NBPF8: variants seen among roughly 807,000 people sequenced by gnomAD.
NBPF8 encodes the protein NBPF member 8, also known as NBPF family member NBPF8.
chr1:120,421,411 C>T (rs1223967326), intron 1 of NBPF8, among the ~76,000 whole-genome samples: 8 of 150,906 alleles, frequency 5.3e-5, no homozygotes, highest in Non-Finnish European at 1.0e-4. Flanking sequence ...CTTTTTCTCT[C>T]TCTCTTTATT....
chr1:120,423,383 C>G lies in NBPF8; in HGVS notation n.270-2364C>G, dbSNP rs1350580940. 1.9e-5 allele frequency among the ~76,000 whole-genome samples: 2 copies of G among 107,786 alleles called. 1 individual carries two copies. Among genetic ancestry groups the G allele is most frequent in the Non-Finnish European group, 3.8e-5 (2 of 53,182 alleles). 70.7% of individuals were successfully genotyped at this position (107,786 alleles called of 152,430 possible). A position where few individuals can be genotyped will look rare whatever the true frequency, so the allele number is the denominator to read the frequency against. ...CCACTAGTTGGAAAGGCTATCTTTG[C>G]TGCTTTAAATTGTCTCTAAACCTCC... is the stretch of plus-strand genomic sequence containing the variant. On this transcript the variant is annotated intron_variant and non_coding_transcript_variant, in intron 1 of 28. Coordinates refer to the NBPF8 transcript ENST00000652355.
intron 1 of NBPF8, among the ~76,000 whole-genome samples, chr1:120,421,069 G>A (rs1222564910): frequency 6.7e-6 from 1 of 150,104 alleles, no homozygotes; most frequent in Non-Finnish European, 1.5e-5. Flanking sequence ...AGGAGCAGCA[G>A]GGAAGGTTGC....
intron 20 of NBPF8, among the ~76,000 whole-genome samples, 194 bp from the exon 19 acceptor site, chr1:120,462,600 C>T (rs1471563344): frequency 4.1e-5 from 4 of 98,038 alleles, no homozygotes; most frequent in Non-Finnish European, 6.3e-5. Flanking sequence ...CTCTCCCTCT[C>T]CCTGTCTTTC....
At chr1:120,430,992 G>A (rs1333256495) in intron 3 of NBPF8, among the ~76,000 whole-genome samples, 2 of 151,142 alleles carry the variant, frequency 1.3e-5, no homozygotes, top group Admixed American at 6.6e-5. Context: ...TTTACAAGAT[G>A]ATTCTACCAT....
At chr1:120,436,339 G>T, upstream of NBPF8, 1 of 1,534,624 alleles carries the variant, frequency 6.5e-7, no homozygotes, top group Non-Finnish European at 8.7e-7. Flanking sequence ...TGTTTTTGTG[G>T]TGAAGGATCC....
chr1:120,453,629 T>C (rs1381562765), intron 14 of NBPF8, among the ~76,000 whole-genome samples, 185 bp downstream of exon 12: 1 of 151,696 alleles, frequency 6.6e-6, no homozygotes. Flanking sequence ...GTGCCGAGTG[T>C]CATGTCTGTA....
chr1:120,416,605 C>CAA (rs1160932917), upstream of NBPF8, among the ~76,000 whole-genome samples: 2 of 24,234 alleles, frequency 8.3e-5, no homozygotes, highest in South Asian at 9.1e-4. Flanking sequence ...ACCCTGTCTC[C>CAA]AAAAAAAAAA....
chr1:120,455,857 T>A (rs1422708844), intron 16 of NBPF8, among the ~76,000 whole-genome samples: 1 of 152,164 alleles, frequency 6.6e-6, no homozygotes, highest in Non-Finnish European at 1.5e-5. Context: ...TTAATTGTGA[T>A]GTTAGGGTGT....
At chr1:120,453,990 C>A (rs1165690383) in exon 15 of NBPF8, 12 of 1,611,222 alleles carry the variant, frequency 7.4e-6, no homozygotes, top group Non-Finnish European at 1.0e-5. Flanking sequence ...ATAGCCATGG[C>A]CCTTATGACT....
chr1:120,435,739 G>A (rs1374609950), upstream of NBPF8, among the ~76,000 whole-genome samples: 130 of 151,576 alleles, frequency 8.6e-4, no homozygotes, highest in Non-Finnish European at 1.6e-3. Context: ...GGTGGCGGGC[G>A]CCTGTATTCC....
exon 13 of NBPF8, chr1:120,452,223 G>A (rs1661298274): frequency 7.8e-7 from 1 of 1,274,902 alleles, no homozygotes; most frequent in African/African-American, 1.7e-5. Context: ...GCATCTCCAG[G>A]CCCTCCTCAC....
chr1:120,415,980 T>G (rs1219799542), upstream of NBPF8, among the ~76,000 whole-genome samples: 1 of 152,212 alleles, frequency 6.6e-6, no homozygotes, highest in African/African-American at 2.4e-5. Flanking sequence ...CTCCTATCTT[T>G]TGCTGCTAGA....
At chr1:120,429,140 AC>A (rs1188522643) in intron 3 of NBPF8, among the ~76,000 whole-genome samples, 1 of 152,236 alleles carries the variant, frequency 6.6e-6, no homozygotes, top group Non-Finnish European at 1.5e-5. Context: ...CAGTGGGGGC[AC>A]CCGATGGAGC....
At chr1:120,420,280 T>C (rs1313142331) in intron 1 of NBPF8, among the ~76,000 whole-genome samples, 162 bp downstream of exon 2, 1 of 151,922 alleles carries the variant, frequency 6.6e-6, no homozygotes, top group Non-Finnish European at 1.5e-5. Flanking sequence ...TGAACAAATA[T>C]TCACAGCGTG....
At chr1:120,432,473 G>T (rs1303112628), upstream of NBPF8, 3 of 146,652 alleles carry the variant, frequency 2.0e-5, no homozygotes, top group South Asian at 4.4e-4. Flanking sequence ...GGCCTGCCAC[G>T]TATGGATGCT....
chr1:120,415,087 G>GAGACGGCGGCGGTTC (rs1660391402), upstream of NBPF8, among the ~76,000 whole-genome samples: 1 of 152,126 alleles, frequency 6.6e-6, no homozygotes, highest in Admixed American at 6.5e-5. Context: ...GGCGGCGGTT[G>GAGACGGCGGCGGTTC]AGACAGCGGC....
Position 120,461,398 on chromosome 1 carries a change from G to T in NBPF8, n.2981G>T. ...GTGCGTTTTACATATTGGAGCAACA[G>T]CGTGTTGGCTTGGCTGTTGACATGG... On this transcript the variant is annotated non_coding_transcript_exon_variant, in exon 19 of 25. Transcript: ENST00000583271. The T allele has an allele frequency of 3.0e-6, 3 of 1,010,056 alleles. 1 individual carries two copies. The South Asian group carries it at 4.0e-5, about 13-fold the overall frequency. 62.6% of individuals were successfully genotyped at this position (1,010,056 alleles called of 1,614,324 possible).
chr1:120,464,527 G>A lies in NBPF8; in HGVS notation n.3438G>A, dbSNP rs1208888223. 91 of 930,764 alleles carry A rather than the reference G, an allele frequency of 9.8e-5. 1 individual carries two copies. The highest frequency in any genetic ancestry group is 4.4e-5 in the Non-Finnish European group (25 of 562,022). The allele number at this position is 930,764 out of a possible 1,614,324, so 57.7% of individuals were successfully genotyped here. ...TTATGCATTGGAGGAAAAACATGTT[G>A]GCTTTTCTCTTGACGTGGGAGGTGA... On this transcript the variant is annotated non_coding_transcript_exon_variant, in exon 23 of 25. Coordinates refer to ENST00000583271, the Ensembl canonical transcript of NBPF8.
chr1:120,454,275 A>C (rs7512651), intron 15 of NBPF8, among the ~76,000 whole-genome samples, 161 bp downstream of exon 13: 2 of 152,182 alleles, frequency 1.3e-5, no homozygotes, highest in Non-Finnish European at 2.9e-5. Flanking sequence ...TAATGTCATG[A>C]CTTTGTCTGC....
Sources: gnomAD v4.1 joint callset for allele counts (sites outside exome capture counted in the v4.1 genomes callset) on GRCh38, gnomAD v4.1.1 for gene constraint, MANE v1.5 for transcripts, NCBI Gene and HGNC (gene_info 2026-07-23, HGNC 2026-07-21) for gene names.